PTPRM: variants seen among roughly 807,000 people sequenced by gnomAD.
The protein encoded by PTPRM is receptor-type tyrosine-protein phosphatase mu.
PTPRM carries 47 observed loss-of-function variants against 186.7 expected under a neutral mutation model. The ratio of observed to expected loss-of-function variants is 0.25; its 90% CI spans 0.20 to 0.32. PTPRM has a LOEUF of 0.32. PTPRM is among the 10% of genes least tolerant of loss of function. The pLI, the probability that PTPRM is intolerant of heterozygous loss-of-function variation, is 1.00. For missense variants in PTPRM, 1,494 were observed against 1,865.0 expected, an observed-to-expected ratio of 0.80 and a Z score of 3.66; for synonymous variants, 668 against 674.9, an observed-to-expected ratio of 0.99 and a Z score of 0.16.
chr18:8,049,861 A>G (rs1005287456), intron 7 of PTPRM, among the ~76,000 whole-genome samples: 7 of 151,952 alleles, frequency 4.6e-5, no homozygotes, highest in Admixed American at 4.6e-4. Context: ...ATAGGCACAC[A>G]CCGCCACACC....
At chr18:7,632,073 C>G (rs1042630364) in intron 1 of PTPRM, among the ~76,000 whole-genome samples, 2 of 152,122 alleles carry the variant, frequency 1.3e-5, no homozygotes, top group African/African-American at 2.4e-5. Context: ...AACTAAATAG[C>G]CTAAGTAGGA....
At chr18:7,966,855 G>C (rs531714121) in intron 7 of PTPRM, among the ~76,000 whole-genome samples, 10 of 128,136 alleles carry the variant, frequency 7.8e-5, no homozygotes, top group African/African-American at 2.0e-4. Context: ...AGATCAAACC[G>C]CAAGGCGGCA....
chr18:7,996,104 G>C (rs933222712), intron 7 of PTPRM, among the ~76,000 whole-genome samples: 1 of 151,884 alleles, frequency 6.6e-6, no homozygotes, highest in African/African-American at 2.4e-5. Flanking sequence ...AGAGACAAAA[G>C]CTTTTATTTC....
intron 2 of PTPRM, among the ~76,000 whole-genome samples, chr18:7,809,107 A>T (rs922576699): frequency 6.6e-6 from 1 of 152,134 alleles, no homozygotes; most frequent in Non-Finnish European, 1.5e-5. Context: ...TAAGGATTCA[A>T]TCTCAGTCCC....
intron 11 of PTPRM, among the ~76,000 whole-genome samples, chr18:8,100,286 C>T (rs1423818360): frequency 6.6e-6 from 1 of 152,056 alleles, no homozygotes; most frequent in Non-Finnish European, 1.5e-5. Flanking sequence ...GGATTATAGG[C>T]GCCTACCACC....
chr18:7,670,350 A>G (rs1159924572), intron 1 of PTPRM, among the ~76,000 whole-genome samples: 1 of 152,190 alleles, frequency 6.6e-6, no homozygotes, highest in Non-Finnish European at 1.5e-5. Flanking sequence ...TATACTTTTT[A>G]CTTATATAGA....
At chr18:7,913,243 T>C (rs990926318) in intron 4 of PTPRM, among the ~76,000 whole-genome samples, 1 of 152,202 alleles carries the variant, frequency 6.6e-6, no homozygotes, top group Admixed American at 6.5e-5. Context: ...TTTTGGTGGA[T>C]CCATAGGATT....
chr18:7,676,957 G>A, intron 1 of PTPRM, among the ~76,000 whole-genome samples: 1 of 152,170 alleles, frequency 6.6e-6, no homozygotes, highest in Admixed American at 6.5e-5. Context: ...TGAAGTCACT[G>A]ATAAGCCAAG....
chr18:8,231,314 C>A (rs542576115), intron 14 of PTPRM, among the ~76,000 whole-genome samples: 25 of 152,190 alleles, frequency 1.6e-4, no homozygotes, highest in African/African-American at 5.5e-4. Context: ...CCACTGATAC[C>A]CATGGCAGAC....
chr18:8,357,944 A>G (rs1239652897), intron 23 of PTPRM, among the ~76,000 whole-genome samples: 1 of 152,200 alleles, frequency 6.6e-6, no homozygotes, highest in Non-Finnish European at 1.5e-5. Flanking sequence ...AATCTTATTG[A>G]AGGCTTATTC....
chr18:7,818,692 T>G (rs1047551985), intron 2 of PTPRM, among the ~76,000 whole-genome samples: 4 of 152,196 alleles, frequency 2.6e-5, no homozygotes, highest in African/African-American at 9.6e-5. Flanking sequence ...GAGTTGTGGT[T>G]GAAATTAAAC....
At chr18:8,120,292 A>C (rs2092120814) in intron 13 of PTPRM, among the ~76,000 whole-genome samples, 1 of 152,172 alleles carries the variant, frequency 6.6e-6, no homozygotes, top group African/African-American at 2.4e-5. Flanking sequence ...GAACATAGAG[A>C]TCATATAAAA....
At chr18:7,876,489 G>T (rs1347537942) in intron 2 of PTPRM, among the ~76,000 whole-genome samples, 1 of 152,148 alleles carries the variant, frequency 6.6e-6, no homozygotes, top group Non-Finnish European at 1.5e-5. Flanking sequence ...GTCAGCAGTT[G>T]GGGCTGGGCT....
chr18:8,374,547 A>G (rs1344036219), intron 24 of PTPRM, among the ~76,000 whole-genome samples: 1 of 152,210 alleles, frequency 6.6e-6, no homozygotes, highest in Admixed American at 6.5e-5. Flanking sequence ...AAGGGAGACC[A>G]TGGCACTGGC....
rs138256374 is a variant in PTPRM, at chr18:7,690,287, A to G, written c.74-83862A>G. 8.9e-3 allele frequency among the ~76,000 whole-genome samples: 1,349 copies of G among 152,306 alleles called. 32 individuals carry two copies. Among genetic ancestry groups the G allele is most frequent in the African/African-American group, 0.031 (1,288 of 41,558 alleles). On this transcript the variant is annotated intron_variant, in intron 1 of 32. Transcript: ENST00000580170. Reference sequence around the variant, plus strand: ...GTGGAAGCTGCATTTCTGTAAGGTAATTTGTTAGTTGCTTGGAATGGTTTT... The same window carrying G: ...GTGGAAGCTGCATTTCTGTAAGGTAGTTTGTTAGTTGCTTGGAATGGTTTT...
At position 7,915,478 on chromosome 18, in the gene PTPRM, A is replaced by C. The variant is rs8085260; in HGVS notation, c.547+8895A>C. The stretch of plus-strand genomic sequence containing the variant: ...GAGCATACAGCTCAGCATGGGATCT[A>C]CACTTTTCTGGCCATAGAGCTCTTT... On this transcript the variant is annotated intron_variant, in intron 4 of 32. Coordinates refer to ENST00000580170, the MANE Select transcript of PTPRM (RefSeq NM_001105244.2). 9.5e-3 allele frequency among the ~76,000 whole-genome samples: 1,444 copies of C among 152,280 alleles called. 24 individuals carry two copies. Among genetic ancestry groups the C allele is most frequent in the African/African-American group, 0.033 (1,355 of 41,576 alleles).
intron 1 of PTPRM, among the ~76,000 whole-genome samples, chr18:7,609,210 T>G (rs2037611570): frequency 6.6e-6 from 1 of 152,246 alleles, no homozygotes; most frequent in African/African-American, 2.4e-5. Context: ...GTCTTTCTCC[T>G]GAGATTTGGG....
intron 14 of PTPRM, among the ~76,000 whole-genome samples, chr18:8,145,045 G>A (rs951706075): frequency 1.3e-5 from 2 of 152,130 alleles, no homozygotes; most frequent in African/African-American, 4.8e-5. Context: ...TCATTTTTAG[G>A]AATATAACTC....
rs527790862 is a variant in PTPRM, at chr18:7,662,413, A to G, written c.73+94522A>G. Among the ~76,000 whole-genome samples the G allele has an allele frequency of 2.0e-5, 3 of 152,334 alleles. No individual in the cohort carries two copies. In the East Asian group the frequency reaches 5.8e-4, roughly 29 times the overall value. ...GAATGAGATCCTGTCATTTGCAACA[A>G]TATGGATGGAACTGGAGGTCATTAT... On this transcript the variant is annotated intron_variant, in intron 1 of 32. Coordinates refer to ENST00000580170, the MANE Select transcript of PTPRM (RefSeq NM_001105244.2).
Sources: gnomAD v4.1 joint callset for allele counts (sites outside exome capture counted in the v4.1 genomes callset) on GRCh38, gnomAD v4.1.1 for gene constraint, MANE v1.5 for transcripts, NCBI Gene and HGNC (gene_info 2026-07-23, HGNC 2026-07-21) for gene names.